The following GBE1 variants were observed in gnomAD, a reference collection of about 807,000 sequenced individuals.
The protein encoded by GBE1 is 1,4-alpha-glucan branching enzyme 1.
Under a neutral mutation model 88.8 loss-of-function variants are expected in GBE1, and 70 were observed. The observed-to-expected ratio is 0.79, with a 90% CI of 0.65 to 0.96. The LOEUF is 0.96. Among genes scored for constraint, GBE1 ranks in the 40% least tolerant of loss-of-function variants. The probability of loss-of-function intolerance (pLI) is 0.00; values close to 1 mark genes in which losing one functional copy is unlikely to be tolerated. For missense variants in GBE1, 872 were observed against 871.0 expected (o/e 1.00, Z -0.01); for synonymous variants, 284 against 300.1 (o/e 0.95, Z 0.56).
chr3:81,750,166 A>C (rs536980956), intron 1 of GBE1, among the ~76,000 whole-genome samples: 2 of 152,270 alleles, frequency 1.3e-5, no homozygotes, highest in East Asian at 1.9e-4. Flanking sequence ...ACAGGTAAAC[A>C]AAAGTGTCAG....
chr3:81,674,000 G>A (rs1157197637), intron 2 of GBE1, among the ~76,000 whole-genome samples: 1 of 151,894 alleles, frequency 6.6e-6, no homozygotes, highest in Admixed American at 6.6e-5. Flanking sequence ...TCATATGGGA[G>A]AGAAAGAAGG....
At chr3:81,647,955 A>G (rs1704789775) in intron 5 of GBE1, among the ~76,000 whole-genome samples, 1 of 152,132 alleles carries the variant, frequency 6.6e-6, no homozygotes. Flanking sequence ...CTGGGTCATA[A>G]GCAATTTATT....
chr3:81,623,256 C>T (rs1704356881), intron 7 of GBE1, among the ~76,000 whole-genome samples: 1 of 152,218 alleles, frequency 6.6e-6, no homozygotes, highest in Non-Finnish European at 1.5e-5. Context: ...AACACACCAA[C>T]CCCACTGCCC....
intron 1 of GBE1, among the ~76,000 whole-genome samples, chr3:81,754,811 T>A (rs1706579549): frequency 6.6e-6 from 1 of 152,152 alleles, no homozygotes; most frequent in Admixed American, 6.5e-5. Context: ...TATCTCATCA[T>A]ACACAAAAAT....
intron 1 of GBE1, among the ~76,000 whole-genome samples, chr3:81,726,481 A>AT (rs758480867): frequency 2.6e-5 from 4 of 151,504 alleles, no homozygotes; most frequent in Non-Finnish European, 4.4e-5. Context: ...CACTGTTTTT[A>AT]TTTTTTTTAA....
chr3:81,578,062 A>C lies in GBE1; in HGVS notation c.1481T>G (p.Leu494Trp). Residue 494 changes from leucine to tryptophan, a missense_variant, in exon 12 of 16, where the codon TTG becomes TGG. Leu to Trp is a moderately conservative substitution (Grantham distance 61). Transcript: ENST00000429644. ...LVGDKSLAFWLMDAEMYTNMS... is the reference protein window; with the variant it reads ...LVGDKSLAFWWMDAEMYTNMS... ...GTTTGTATACATTTCGGCATCCATCAACCAAAATGCCAGCGACTTATCCCC... is the reference window on the plus strand; with the variant it reads ...GTTTGTATACATTTCGGCATCCATCCACCAAAATGCCAGCGACTTATCCCC... 1 of 1,607,878 alleles carries C rather than the reference A, an allele frequency of 6.2e-7. No individual in the cohort carries two copies. Among genetic ancestry groups the C allele is most frequent in the Non-Finnish European group, 8.5e-7 (1 of 1,177,038 alleles).
chr3:81,718,713 C>T (rs1038935760), intron 1 of GBE1, among the ~76,000 whole-genome samples: 10 of 151,844 alleles, frequency 6.6e-5, no homozygotes, highest in African/African-American at 9.7e-5. Context: ...CTTGGCTCAC[C>T]GCAACCTCCG....
At chr3:81,572,073 C>T (rs938355624) in intron 12 of GBE1, among the ~76,000 whole-genome samples, 11 of 152,128 alleles carry the variant, frequency 7.2e-5, no homozygotes, top group African/African-American at 2.7e-4. Flanking sequence ...CCATGCTGTT[C>T]TTGTGATAGT....
intron 7 of GBE1, among the ~76,000 whole-genome samples, chr3:81,596,025 A>C (rs1703951951): frequency 6.6e-6 from 1 of 151,980 alleles, no homozygotes. Context: ...AAAAACTACT[A>C]CAAGATTAAA....
At chr3:81,505,544 A>T (rs1322075194) in intron 14 of GBE1, among the ~76,000 whole-genome samples, 1 of 152,182 alleles carries the variant, frequency 6.6e-6, no homozygotes, top group Non-Finnish European at 1.5e-5. Flanking sequence ...TCTCAAATAG[A>T]TCTGTCCATT....
At chr3:81,548,655 C>G (rs1171329182) in intron 12 of GBE1, among the ~76,000 whole-genome samples, 1 of 151,112 alleles carries the variant, frequency 6.6e-6, no homozygotes, top group Non-Finnish European at 1.5e-5. Flanking sequence ...TGATCCTCTT[C>G]AAAAGATTGT....
At chr3:81,711,339 G>A (rs1175531683) in intron 1 of GBE1, among the ~76,000 whole-genome samples, 1 of 152,210 alleles carries the variant, frequency 6.6e-6, no homozygotes, top group East Asian at 1.9e-4. Context: ...AAAACTTCAA[G>A]AGAAATTTTT....
At chr3:81,625,102 G>T (rs1375145851) in intron 7 of GBE1, among the ~76,000 whole-genome samples, 1 of 148,176 alleles carries the variant, frequency 6.7e-6, no homozygotes, top group East Asian at 2.0e-4. Context: ...GGAGGGGGAG[G>T]GGGAGGGGGA....
intron 2 of GBE1, among the ~76,000 whole-genome samples, chr3:81,692,941 A>C (rs920080613): frequency 6.6e-6 from 1 of 152,184 alleles, no homozygotes; most frequent in Non-Finnish European, 1.5e-5. Context: ...TGACTCCATT[A>C]TCTCTCTCAT....
Position 81,593,941 on chromosome 3 carries a change from C to A in GBE1, c.1075G>T (p.Val359Phe), listed in dbSNP as rs1376411061. The A allele has an allele frequency of 1.3e-6, 2 of 1,581,224 alleles. No homozygotes were observed. The highest frequency in any genetic ancestry group is 2.3e-5 in the East Asian group (1 of 43,794). The change falls in exon 8 of 16, where the codon GTT (valine) becomes TTT (phenylalanine). Residue 359 changes from valine (V) to phenylalanine (F), a missense_variant. Val to Phe is a conservative substitution (Grantham distance 50). Transcript: ENST00000429644. ...YRFDGFRFDGVTSMLYHHHGV... is the reference protein window; with the variant it reads ...YRFDGFRFDGFTSMLYHHHGV... ...TGGTGATGATAAAGCATGGACGTAACACCATCAAAACGAAATCCATCAAAG... is the reference window on the plus strand; with the variant it reads ...TGGTGATGATAAAGCATGGACGTAAAACCATCAAAACGAAATCCATCAAAG...
At chr3:81,633,256 C>A (rs1271877160) in intron 7 of GBE1, among the ~76,000 whole-genome samples, 5 of 152,100 alleles carry the variant, frequency 3.3e-5, no homozygotes, top group Non-Finnish European at 5.9e-5. Context: ...ATTATCACAA[C>A]TATAATTGAG....
intron 1 of GBE1, among the ~76,000 whole-genome samples, chr3:81,735,789 G>A (rs1706250065): frequency 6.6e-6 from 1 of 152,018 alleles, no homozygotes; most frequent in African/African-American, 2.4e-5. Context: ...TTCAATCAAG[G>A]GGCTCCAAAG....
chr3:81,595,036 A>G (rs1172946389), intron 7 of GBE1, among the ~76,000 whole-genome samples: 1 of 151,874 alleles, frequency 6.6e-6, no homozygotes, highest in Non-Finnish European at 1.5e-5. Context: ...TTAACTTCAG[A>G]ATTGTAAATC....
Position 81,593,001 on chromosome 3 carries a change from C to T in GBE1, c.1108+907G>A, listed in dbSNP as rs12631919. Among the ~76,000 whole-genome samples, 45 of 151,640 alleles carry T rather than the reference C, an allele frequency of 3.0e-4. No homozygotes were observed. In the East Asian group the frequency reaches 8.5e-3, roughly 29 times the overall value. Reference sequence around the variant, plus strand: ...AGTCACTTTTCAAGATTTACAGTCACGTTTTTCACCCCCTTTGTTTTTTTC... The same window carrying T: ...AGTCACTTTTCAAGATTTACAGTCATGTTTTTCACCCCCTTTGTTTTTTTC... On this transcript the variant is annotated intron_variant, in intron 8 of 15. Coordinates refer to ENST00000429644, the MANE Select transcript of GBE1 (RefSeq NM_000158.4).
Sources: allele counts gnomAD v4.1 joint callset (sites outside exome capture counted in the v4.1 genomes callset), GRCh38; gene constraint gnomAD v4.1.1; transcripts MANE v1.5; gene names NCBI Gene and HGNC (gene_info 2026-07-23, HGNC 2026-07-21).